Variants in AGBL4 observed in about 807,000 individuals in gnomAD.
AGBL4 encodes the protein AGBL carboxypeptidase 4.
Under a neutral mutation model 66.4 loss-of-function variants are expected in AGBL4, and 58 were observed. That is an observed-to-expected ratio of 0.87 (90% CI 0.71 to 1.09). The LOEUF (loss-of-function observed/expected upper bound fraction) is 1.09, where lower values mean the gene tolerates loss of function less well. Among genes scored for constraint, AGBL4 ranks in the 50% least tolerant of loss-of-function variants. AGBL4 has a pLI of 0.00. For synonymous variants in AGBL4, 234 were observed against 222.9 expected, an observed-to-expected ratio of 1.05 and a Z score of -0.44; for missense variants, 579 against 631.0, an observed-to-expected ratio of 0.92 and a Z score of 0.88.
chr1:48,522,880 C>G, the AGBL4 span, among the ~76,000 whole-genome samples: 3 of 150,142 alleles, frequency 2.0e-5, no homozygotes, highest in Non-Finnish European at 4.4e-5. Context: ...GAGCCGAGAT[C>G]GTGCCACTGC....
intron 1 of AGBL4, among the ~76,000 whole-genome samples, chr1:49,999,485 T>C (rs1224511450): frequency 6.6e-6 from 1 of 152,090 alleles, no homozygotes; most frequent in African/African-American, 2.4e-5. Context: ...GAATCAATAC[T>C]GCAAAACTGA....
chr1:49,799,696 AG>A (rs1179914870), intron 2 of AGBL4, among the ~76,000 whole-genome samples: 1 of 152,170 alleles, frequency 6.6e-6, no homozygotes, highest in African/African-American at 2.4e-5. Context: ...ATAGTGACTA[AG>A]CCAAAAAGAT....
At chr1:49,605,149 C>A (rs1174048524) in intron 3 of AGBL4, among the ~76,000 whole-genome samples, 1 of 152,024 alleles carries the variant, frequency 6.6e-6, no homozygotes, top group African/African-American at 2.4e-5. Context: ...AGTTTTAAAG[C>A]CTCATTGTAC....
intron 3 of AGBL4, among the ~76,000 whole-genome samples, chr1:49,261,680 A>C (rs2148363282): frequency 6.6e-6 from 1 of 151,940 alleles, no homozygotes; most frequent in African/African-American, 2.4e-5. Flanking sequence ...AAATGGAAGA[A>C]CATTCCATGC....
At chr1:49,313,806 A>G (rs759160371) in intron 3 of AGBL4, among the ~76,000 whole-genome samples, 19 of 152,228 alleles carry the variant, frequency 1.2e-4, no homozygotes, top group Middle Eastern at 3.4e-3. Context: ...ATTTTCTCCC[A>G]TTCTGTAGCT....
Position 49,696,714 on chromosome 1 carries a change from G to A in AGBL4, c.282+599C>T, listed in dbSNP as rs147922780. Among the ~76,000 whole-genome samples, 596 of 152,066 alleles carry A rather than the reference G, an allele frequency of 3.9e-3. 2 individuals carry two copies. Among genetic ancestry groups the A allele is most frequent in the Non-Finnish European group, 5.3e-3 (357 of 67,970 alleles). On this transcript the variant is annotated intron_variant, in intron 3 of 13. Coordinates refer to ENST00000371839, the MANE Select transcript of AGBL4 (RefSeq NM_032785.4). ...AACTGAAACACTTCTGGTCCCACGCGTTTAAGATAAGCTATACTCAACTTG... is the reference window on the plus strand; with the variant it reads ...AACTGAAACACTTCTGGTCCCACGCATTTAAGATAAGCTATACTCAACTTG...
intron 4 of AGBL4, among the ~76,000 whole-genome samples, chr1:49,233,219 G>C (rs146807321): frequency 6.6e-6 from 1 of 152,058 alleles, no homozygotes; most frequent in African/African-American, 2.4e-5. Context: ...GGAAATCCCT[G>C]GTTTCTGTTC....
chr1:49,256,855 C>T (rs925714776), intron 3 of AGBL4, among the ~76,000 whole-genome samples: 12 of 152,084 alleles, frequency 7.9e-5, no homozygotes, highest in African/African-American at 2.9e-4. Flanking sequence ...AAAACAATAT[C>T]GTAGATCAGA....
At chr1:49,796,116 G>T (rs1050390110) in intron 2 of AGBL4, among the ~76,000 whole-genome samples, 8 of 151,732 alleles carry the variant, frequency 5.3e-5, no homozygotes, top group African/African-American at 1.9e-4. Flanking sequence ...CTGGGCAAAA[G>T]ATATGAACAG....
intron 4 of AGBL4, among the ~76,000 whole-genome samples, chr1:49,221,594 C>T (rs1460305996): frequency 6.6e-6 from 1 of 152,146 alleles, no homozygotes; most frequent in East Asian, 1.9e-4. Flanking sequence ...TCACCGTTTA[C>T]AAACCATATT....
intron 3 of AGBL4, among the ~76,000 whole-genome samples, chr1:49,528,099 C>T (rs537399231): frequency 1.8e-4 from 28 of 151,994 alleles, no homozygotes; most frequent in Admixed American, 1.4e-3. Flanking sequence ...GGAAGTATGA[C>T]GTTTGGGATT....
chr1:49,721,484 A>G (rs960432455), intron 2 of AGBL4, among the ~76,000 whole-genome samples: 4 of 152,128 alleles, frequency 2.6e-5, no homozygotes, highest in African/African-American at 9.7e-5. Context: ...GGGAATTGCT[A>G]GTATGGCCAG....
chr1:49,006,366 G>C (rs563317887), intron 5 of AGBL4, among the ~76,000 whole-genome samples: 8 of 152,146 alleles, frequency 5.3e-5, no homozygotes, highest in African/African-American at 1.4e-4. Context: ...CACCTGGCTC[G>C]GAGGGTCCTA....
intron 3 of AGBL4, among the ~76,000 whole-genome samples, chr1:49,653,869 G>T (rs1046278907): frequency 6.6e-6 from 1 of 151,444 alleles, no homozygotes; most frequent in African/African-American, 2.4e-5. Context: ...GAAAGAGACC[G>T]GGAGAATGGA....
intron 1 of AGBL4, among the ~76,000 whole-genome samples, chr1:49,961,253 A>T (rs932564735): frequency 3.3e-5 from 5 of 152,126 alleles, no homozygotes; most frequent in African/African-American, 1.2e-4. Context: ...TCATGCTTGT[A>T]TTCCCAGCAC....
intron 6 of AGBL4, among the ~76,000 whole-genome samples, chr1:48,689,190 C>T (rs1438815937): frequency 1.6e-5 from 2 of 122,978 alleles, no homozygotes; most frequent in African/African-American, 7.6e-5. Flanking sequence ...GGTGACAGAG[C>T]GAGACCCGGT....
intron 3 of AGBL4, among the ~76,000 whole-genome samples, chr1:49,664,586 A>T (rs1445986224): frequency 6.6e-6 from 1 of 152,102 alleles, no homozygotes; most frequent in Non-Finnish European, 1.5e-5. Flanking sequence ...TCAAGATGAC[A>T]TTGCTTCTTT....
intron 3 of AGBL4, among the ~76,000 whole-genome samples, chr1:49,662,926 G>A (rs1297306345): frequency 6.6e-6 from 1 of 152,106 alleles, no homozygotes; most frequent in Non-Finnish European, 1.5e-5. Context: ...CTGTGTAGAA[G>A]CTTCTACATA....
intron 3 of AGBL4, among the ~76,000 whole-genome samples, chr1:49,273,523 T>C (rs1214616417): frequency 6.6e-6 from 1 of 150,502 alleles, no homozygotes; most frequent in Non-Finnish European, 1.5e-5. Context: ...ATCTCTTGTG[T>C]ATATTCAAAA....
Sources: gnomAD v4.1 joint callset for allele counts (sites outside exome capture counted in the v4.1 genomes callset) on GRCh38, gnomAD v4.1.1 for gene constraint, MANE v1.5 for transcripts, NCBI Gene and HGNC (gene_info 2026-07-23, HGNC 2026-07-21) for gene names.